The following WDPCP variants were observed in gnomAD, a reference collection of about 807,000 sequenced individuals.
WDPCP encodes WD repeat containing planar cell polarity effector.
In WDPCP, 71 loss-of-function variants were observed where a neutral mutation model predicts 93.1. The observed-to-expected ratio is 0.76, with a 90% CI of 0.63 to 0.93. The LOEUF (loss-of-function observed/expected upper bound fraction) is 0.93. Ranked by LOEUF, WDPCP falls within the 40% of genes least tolerant of loss-of-function variation. WDPCP has a pLI of 0.00. For synonymous variants in WDPCP, 315 were observed against 315.0 expected (o/e 1.00, Z 0.00); for missense variants, 844 against 887.4 (o/e 0.95, Z 0.62).
chr2:63,203,214 GTA>G (rs1676059326), intron 14 of WDPCP, among the ~76,000 whole-genome samples: 1 of 152,002 alleles, frequency 6.6e-6, no homozygotes, highest in Non-Finnish European at 1.5e-5. Flanking sequence ...TCTTTACAGA[GTA>G]TATGAGATGT....
At chr2:63,255,884 G>C (rs925075618) in intron 14 of WDPCP, among the ~76,000 whole-genome samples, 2 of 151,832 alleles carry the variant, frequency 1.3e-5, no homozygotes, top group South Asian at 2.1e-4. Flanking sequence ...ACAGTCAATT[G>C]TATATATACC....
rs141308904 is a variant in WDPCP, at chr2:63,397,756, A to G, written c.1435+6292T>C. On this transcript the variant is annotated intron_variant, in intron 10 of 17. Coordinates refer to ENST00000272321, the MANE Select transcript of WDPCP (RefSeq NM_015910.7). ...AGTGACTGGTGACTTTTCCAAGAGC[A>G]GTTCTGAGACACCGCAGAAGATACA... Among the ~76,000 whole-genome samples, 264 of 152,308 alleles carry G rather than the reference A, an allele frequency of 1.7e-3. 1 individual carries two copies. Among genetic ancestry groups the G allele is most frequent in the South Asian group, 4.4e-3 (21 of 4,818 alleles).
At chr2:63,573,996 G>A (rs890096755) in intron 1 of WDPCP, among the ~76,000 whole-genome samples, 9 of 152,106 alleles carry the variant, frequency 5.9e-5, no homozygotes, top group African/African-American at 2.2e-4. Flanking sequence ...GGTCAGACTG[G>A]TTGTCTGCTC....
chr2:63,351,791 A>G (rs1484199067), intron 12 of WDPCP, among the ~76,000 whole-genome samples: 1 of 152,186 alleles, frequency 6.6e-6, no homozygotes, highest in Non-Finnish European at 1.5e-5. Context: ...ATACCCAGTA[A>G]TGGGATTGCT....
intron 2 of WDPCP, among the ~76,000 whole-genome samples, chr2:63,812,419 T>C (rs1670876726): frequency 6.6e-6 from 1 of 152,208 alleles, no homozygotes; most frequent in African/African-American, 2.4e-5. Context: ...TTCCTTTAAA[T>C]ATATACCCAC....
At chr2:63,809,408 G>C (rs1670827364) in intron 2 of WDPCP, among the ~76,000 whole-genome samples, 1 of 152,198 alleles carries the variant, frequency 6.6e-6, no homozygotes, top group Non-Finnish European at 1.5e-5. Context: ...CGTCTGGGAG[G>C]TGTGCCCAAC....
chr2:63,208,761 T>C (rs946330123), intron 14 of WDPCP, among the ~76,000 whole-genome samples: 1 of 152,210 alleles, frequency 6.6e-6, no homozygotes, highest in Non-Finnish European at 1.5e-5. Context: ...GTTTCTCCCA[T>C]GAAGCTGTTG....
chr2:63,304,118 C>G (rs1244425556), intron 13 of WDPCP, among the ~76,000 whole-genome samples: 1 of 152,010 alleles, frequency 6.6e-6, no homozygotes, highest in African/African-American at 2.4e-5. Flanking sequence ...CCATTCAACC[C>G]AGCAATCCCA....
chr2:63,514,736 A>AATAC (rs1186649785), intron 1 of WDPCP, among the ~76,000 whole-genome samples: 1 of 152,182 alleles, frequency 6.6e-6, no homozygotes, highest in Non-Finnish European at 1.5e-5. Context: ...CTGGAATGAA[A>AATAC]ATACGGGTTT....
intron 1 of WDPCP, among the ~76,000 whole-genome samples, chr2:63,548,913 G>A (rs563793520): frequency 3.9e-5 from 6 of 152,140 alleles, no homozygotes; most frequent in Admixed American, 2.6e-4. Context: ...GAAACATACC[G>A]GCAGAAAAAG....
rs1008236337 is a variant in WDPCP at position 63,127,710 on chromosome 2, T to C, written c.2191-5654A>G. Reference sequence around the variant, plus strand: ...ATATATATATACGCACACACACACATATATATATGCACACACTCCCTATTC... The same window carrying C: ...ATATATATATACGCACACACACACACATATATATGCACACACTCCCTATTC... On this transcript the variant is annotated intron_variant, in intron 17 of 17. Transcript: ENST00000272321. Among the ~76,000 whole-genome samples the C allele has an allele frequency of 7.4e-5, 11 of 148,010 alleles. No individual in the cohort carries two copies. In the South Asian group the frequency reaches 1.9e-3, roughly 26 times the overall value.
chr2:63,149,857 T>C (rs560907118), intron 17 of WDPCP, among the ~76,000 whole-genome samples: 8 of 152,210 alleles, frequency 5.3e-5, no homozygotes, highest in African/African-American at 1.7e-4. Flanking sequence ...CAAAATTAGC[T>C]AGGCATGGTG....
At chr2:63,756,914 C>CTACACTGTGCTCA (rs1448592395) in intron 2 of WDPCP, among the ~76,000 whole-genome samples, 1 of 152,160 alleles carries the variant, frequency 6.6e-6, no homozygotes, top group Non-Finnish European at 1.5e-5. Flanking sequence ...GCACTTATCA[C>CTACACTGTGCTCA]TACACTGTGC....
At chr2:63,818,645 G>A (rs1231006811) in intron 1 of WDPCP, among the ~76,000 whole-genome samples, 2 of 152,030 alleles carry the variant, frequency 1.3e-5, no homozygotes, top group East Asian at 3.9e-4. Context: ...CATACAACAC[G>A]GATGCATTCA....
chr2:63,259,209 T>G, intron 14 of WDPCP, 98 bp downstream of exon 14: 1 of 1,014,450 alleles, frequency 9.9e-7, no homozygotes, highest in Non-Finnish European at 1.5e-6. Flanking sequence ...ACAAACAAAG[T>G]AATTCAAATT....
At chr2:63,215,107 G>A (rs964279927) in intron 14 of WDPCP, among the ~76,000 whole-genome samples, 1 of 152,104 alleles carries the variant, frequency 6.6e-6, no homozygotes, top group African/African-American at 2.4e-5. Flanking sequence ...TTTCCTCACA[G>A]AATTGGAAAA....
chr2:63,662,938 T>C (rs115550541), intron 2 of WDPCP, among the ~76,000 whole-genome samples: 1,821 of 152,314 alleles, frequency 0.012, 37 homozygotes, highest in African/African-American at 0.042. Flanking sequence ...CTGAAAACAG[T>C]GCTCTTTACT....
chr2:63,328,517 AG>A (rs1416187208), intron 12 of WDPCP, among the ~76,000 whole-genome samples: 1 of 152,072 alleles, frequency 6.6e-6, no homozygotes, highest in Admixed American at 6.6e-5. Context: ...CTCACTGTGA[AG>A]GTCTGTGGCT....
At chr2:63,436,319 A>G (rs1697132560) in intron 8 of WDPCP, among the ~76,000 whole-genome samples, 1 of 152,102 alleles carries the variant, frequency 6.6e-6, no homozygotes, top group Admixed American at 6.6e-5. Context: ...AAGTTTCACA[A>G]AGCTGGCAAA....
Sources: allele counts gnomAD v4.1 joint callset (sites outside exome capture counted in the v4.1 genomes callset), GRCh38; gene constraint gnomAD v4.1.1; transcripts MANE v1.5; gene names NCBI Gene and HGNC (gene_info 2026-07-23, HGNC 2026-07-21).